STK25: variants seen among roughly 807,000 people sequenced by gnomAD.
STK25 encodes serine/threonine-protein kinase 25.
A neutral mutation model predicts 53.8 loss-of-function variants in STK25; 29 were observed. That is an observed-to-expected ratio of 0.54 (90% CI 0.40 to 0.74). The LOEUF is 0.74. Among genes scored for constraint, STK25 ranks in the 30% least tolerant of loss-of-function variants. STK25 has a pLI of 0.00. For missense variants in STK25, 420 were observed against 568.0 expected (o/e 0.74, Z 2.65); for synonymous variants, 247 against 238.3 (o/e 1.04, Z -0.33).
At chr2:241,507,677 A>T (rs1402571967) in intron 2 of STK25, among the ~76,000 whole-genome samples, 1 of 152,214 alleles carries the variant, frequency 6.6e-6, no homozygotes, top group Non-Finnish European at 1.5e-5. Context: ...GGATGCTGAC[A>T]TGAGGTTCCC....
rs1010172097 is a variant in STK25, at chr2:241,495,456, G to A, written c.*206C>T. On this transcript the variant is annotated 3_prime_UTR_variant, in exon 12 of 12. Coordinates refer to ENST00000316586, the MANE Select transcript of STK25 (RefSeq NM_001271977.2). ...GAGGGAGGAGGGCAGTGGGCATAGA[G>A]AACAGCGTCCCTGACGTGCACAACA... 1.7e-6 allele frequency: 1 copy of A among 591,524 alleles called. No individual in the cohort carries two copies. 36.6% of individuals were successfully genotyped at this position (591,524 alleles called of 1,614,324 possible).
Position 241,508,497 on chromosome 2 carries a change from G to C in STK25, c.-155C>G. On this transcript the variant is annotated 5_prime_UTR_variant, in exon 1 of 12. Coordinates refer to ENST00000316586, the MANE Select transcript of STK25 (RefSeq NM_001271977.2). Reference sequence around the variant, plus strand: ...GGCCCGCTCTGCAGCGCCCGCGAAGGCTCCCACCCGCAGCCTCTGTTCGCC... The same window carrying C: ...GGCCCGCTCTGCAGCGCCCGCGAAGCCTCCCACCCGCAGCCTCTGTTCGCC... The C allele has an allele frequency of 4.9e-6, 5 of 1,022,832 alleles. No individual in the cohort carries two copies. Among genetic ancestry groups the C allele is most frequent in the Non-Finnish European group, 5.9e-6 (5 of 852,100 alleles). 63.4% of individuals were successfully genotyped at this position (1,022,832 alleles called of 1,614,324 possible). A position where few individuals can be genotyped will look rare whatever the true frequency, so the allele number is the denominator to read the frequency against.
chr2:241,492,943 A>C lies in STK25; in HGVS notation c.*2719T>G, dbSNP rs142709226. 5 of 1,607,550 alleles carry C rather than the reference A, an allele frequency of 3.1e-6. No homozygotes were observed. The highest frequency in any genetic ancestry group is 2.7e-5 in the African/African-American group (2 of 74,782). The stretch of plus-strand genomic sequence containing the variant: ...TTTATTGACAGAACCAGCTTTCAGG[A>C]TATCTGCTAAGAAAGTTCAAAAACA... On this transcript the variant is annotated 3_prime_UTR_variant, in exon 12 of 12. Transcript: ENST00000316586.
intron 2 of STK25, among the ~76,000 whole-genome samples, chr2:241,507,043 C>A (rs1243026150): frequency 6.6e-6 from 1 of 152,210 alleles, no homozygotes; most frequent in Non-Finnish European, 1.5e-5. Flanking sequence ...AGACGCCCTT[C>A]CTGTTCCACT....
In STK25 at chr2:241,499,000, CT is replaced by C; in HGVS notation, c.759del (p.Asp254ThrfsTer12). On this transcript the variant is annotated frameshift_variant, in exon 7 of 12. Coordinates refer to ENST00000316586, the MANE Select transcript of STK25 (RefSeq NM_001271977.2). LOFTEE classifies it high-confidence loss of function. Reference sequence around the variant, plus strand: ...GAGGCGGGCCTTACGAATCGGGGGTCTTTGTTGAGGCAGGCCTCCACGAACT... The same window carrying C: ...GAGGCGGGCCTTACGAATCGGGGGTCTTGTTGAGGCAGGCCTCCACGAACT... Reference protein sequence around the residue: ...FKEFVEACLNKDPRFRPTAKE... With the variant: ...FKEFVEACLNXDPRFRPTAKE... 1 of 1,613,882 alleles carries C rather than the reference CT, an allele frequency of 6.2e-7. No homozygotes were observed. Among genetic ancestry groups the C allele is most frequent in the Non-Finnish European group, 8.5e-7 (1 of 1,179,900 alleles).
chr2:241,493,557 G>A lies in STK25; in HGVS notation c.*2105C>T. 4.3e-6 allele frequency: 4 copies of A among 929,568 alleles called. No individual in the cohort carries two copies. The highest frequency in any genetic ancestry group is 1.5e-5 in the South Asian group (1 of 66,656). 57.6% of individuals were successfully genotyped at this position (929,568 alleles called of 1,614,324 possible). On this transcript the variant is annotated 3_prime_UTR_variant, in exon 12 of 12. Transcript: ENST00000316586. ...TTCTGGGCCCTGGAAAGGAAGGGCTGAGCAATGCTTCCAGCATTTCCAAAA... is the reference window on the plus strand; with the variant it reads ...TTCTGGGCCCTGGAAAGGAAGGGCTAAGCAATGCTTCCAGCATTTCCAAAA...
At chr2:241,499,665 C>A in intron 5 of STK25, 1 of 577,616 alleles carries the variant, frequency 1.7e-6, no homozygotes, top group Non-Finnish European at 3.1e-6. Flanking sequence ...CGACAAATCC[C>A]AACGACAAGC....
chr2:241,499,929 G>A (rs942963296), intron 5 of STK25: 2 of 609,276 alleles, frequency 3.3e-6, no homozygotes, highest in Non-Finnish European at 6.1e-6. Context: ...AACAACTCCA[G>A]CCAAGTGTGG....
rs758539172 is a variant in STK25 at position 241,493,428 on chromosome 2, A to C, written c.*2234T>G. The C allele has an allele frequency of 1.9e-6, 3 of 1,613,860 alleles. No individual in the cohort carries two copies. In the Admixed American group the frequency reaches 5.0e-5, roughly 27 times the overall value. The stretch of plus-strand genomic sequence containing the variant: ...CGTCTACTTCTTCCGGGCTGAGAGC[A>C]AGTACACATTTGAAAGGTAATTTTG... On this transcript the variant is annotated 3_prime_UTR_variant, in exon 12 of 12. Coordinates refer to ENST00000316586, the MANE Select transcript of STK25 (RefSeq NM_001271977.2).
Position 241,498,794 on chromosome 2 carries a change from G to C in STK25, c.772-10C>G. On this transcript the variant is annotated splice_polypyrimidine_tract_variant and intron_variant, in intron 7 of 11. Coordinates refer to ENST00000316586, the MANE Select transcript of STK25 (RefSeq NM_001271977.2). ...CCTTGGCCGTGGGCCGCTGCAGGGG[G>C]TCAGGGGAACACTAGTCACTGGGCC... 1.9e-6 allele frequency: 3 copies of C among 1,613,782 alleles called. No homozygotes were observed. Among genetic ancestry groups the C allele is most frequent in the Non-Finnish European group, 2.5e-6 (3 of 1,179,856 alleles).
At chr2:241,504,814 C>T (rs112390009) in intron 2 of STK25, among the ~76,000 whole-genome samples, 4 of 152,278 alleles carry the variant, frequency 2.6e-5, no homozygotes, top group African/African-American at 9.6e-5. Context: ...GCATCATCTC[C>T]GTTTCCTCCT....
Position 241,493,503 on chromosome 2 carries a change from A to G in STK25, c.*2159T>C, listed in dbSNP as rs2065007225. ...CCATTTCGATGTCCGCTCAGCTCCCATTTCTACTCATGGTGGTGGAGGCAA... is the reference window on the plus strand; with the variant it reads ...CCATTTCGATGTCCGCTCAGCTCCCGTTTCTACTCATGGTGGTGGAGGCAA... On this transcript the variant is annotated 3_prime_UTR_variant, in exon 12 of 12. Transcript: ENST00000316586. The G allele has an allele frequency of 6.5e-7, 1 of 1,539,994 alleles. No individual in the cohort carries two copies. The highest frequency in any genetic ancestry group is 9.0e-7 in the Non-Finnish European group (1 of 1,115,866).
At chr2:241,505,083 ATT>A (rs112803069) in intron 2 of STK25, among the ~76,000 whole-genome samples, 44 of 144,360 alleles carry the variant, frequency 3.0e-4, no homozygotes, top group Non-Finnish European at 3.5e-4. Flanking sequence ...TGCCCCGTTA[ATT>A]TTTTTTTTTT....
chr2:241,498,635 C>T lies in STK25; in HGVS notation c.917+4G>A. ...GTCACCATGAGGATAAACCAGGTCC[C>T]TACATGTCAGAGTCCTCAGAGCTGG... On this transcript the variant is annotated splice_donor_region_variant and intron_variant, in intron 8 of 11. Transcript: ENST00000316586. 6 of 1,612,242 alleles carry T rather than the reference C, an allele frequency of 3.7e-6. No individual in the cohort carries two copies. The highest frequency in any genetic ancestry group is 5.1e-6 in the Non-Finnish European group (6 of 1,179,006).
At chr2:241,509,062 G>A (rs2066024572), upstream of STK25, among the ~76,000 whole-genome samples, 2 of 152,260 alleles carry the variant, frequency 1.3e-5, no homozygotes, top group Admixed American at 1.3e-4. Flanking sequence ...TCACGGCACG[G>A]AGATAAGCCC....
rs2065008621 is a variant in STK25 at position 241,493,525 on chromosome 2, G to C, written c.*2137C>G. The C allele has an allele frequency of 3.6e-6, 5 of 1,392,608 alleles. No homozygotes were observed. Among genetic ancestry groups the C allele is most frequent in the Non-Finnish European group, 5.1e-6 (5 of 988,114 alleles). 86.3% of individuals were successfully genotyped at this position (1,392,608 alleles called of 1,614,324 possible). ...CCCATTTCTACTCATGGTGGTGGAG[G>C]CAAGTTTTCTGGGCCCTGGAAAGGA... On this transcript the variant is annotated 3_prime_UTR_variant, in exon 12 of 12. Transcript: ENST00000316586.
At position 241,493,498 on chromosome 2, in the gene STK25, C is replaced by T. The variant is rs2065006834; in HGVS notation, c.*2164G>A. 1.9e-6 allele frequency: 3 copies of T among 1,561,136 alleles called. No individual in the cohort carries two copies. Among genetic ancestry groups the T allele is most frequent in the South Asian group, 2.2e-5 (2 of 89,334 alleles). On this transcript the variant is annotated 3_prime_UTR_variant, in exon 12 of 12. Transcript: ENST00000316586. ...GCTGCCCATTTCGATGTCCGCTCAG[C>T]TCCCATTTCTACTCATGGTGGTGGA...
intron 2 of STK25, among the ~76,000 whole-genome samples, chr2:241,505,603 T>C (rs2065776533): frequency 6.6e-6 from 1 of 152,212 alleles, no homozygotes; most frequent in Non-Finnish European, 1.5e-5. Context: ...GAGCTGAATC[T>C]GCTCCATCAC....
At chr2:241,502,371 G>A (rs2065564123) in intron 2 of STK25, among the ~76,000 whole-genome samples, 1 of 152,158 alleles carries the variant, frequency 6.6e-6, no homozygotes. Context: ...GTTAATAGGT[G>A]AATGGCCCCT....
Sources: gnomAD v4.1 joint callset for allele counts (sites outside exome capture counted in the v4.1 genomes callset) on GRCh38, gnomAD v4.1.1 for gene constraint, MANE v1.5 for transcripts, NCBI Gene and HGNC (gene_info 2026-07-23, HGNC 2026-07-21) for gene names.